The following GALNT13 variants were observed in gnomAD, a reference collection of about 807,000 sequenced individuals.
The protein encoded by GALNT13 is polypeptide N-acetylgalactosaminyltransferase 13, also known as UDP-GalNAc:polypeptide N-acetylgalactosaminyltransferase 13.
Under a neutral mutation model 64.2 loss-of-function variants are expected in GALNT13, and 28 were observed. The observed-to-expected ratio is 0.44, with a 90% CI of 0.32 to 0.60. GALNT13 has a LOEUF of 0.60. GALNT13 is among the 20% of genes least tolerant of loss of function. The pLI, the probability that GALNT13 is intolerant of heterozygous loss-of-function variation, is 0.05. For synonymous variants in GALNT13, 214 were observed against 224.6 expected (o/e 0.95, Z 0.42); for missense variants, 577 against 669.8 (o/e 0.86, Z 1.53).
chr2:153,094,442 T>A, the GALNT13 span, among the ~76,000 whole-genome samples: 1 of 152,148 alleles, frequency 6.6e-6, no homozygotes. Flanking sequence ...GAATCAATAT[T>A]GTGAAAATGG....
chr2:154,245,516 C>A (rs1689732501), intron 6 of GALNT13, among the ~76,000 whole-genome samples: 4 of 152,236 alleles, frequency 2.6e-5, no homozygotes, highest in African/African-American at 9.6e-5. Context: ...CTCTACTAAT[C>A]ATGCTGTGGG....
the GALNT13 span, among the ~76,000 whole-genome samples, chr2:153,842,107 A>C: frequency 6.6e-6 from 1 of 152,108 alleles, no homozygotes; most frequent in Admixed American, 6.6e-5. Context: ...GCTATTGAAA[A>C]AAAGTATAAA....
At chr2:154,300,434 A>G (rs910112582) in intron 8 of GALNT13, among the ~76,000 whole-genome samples, 3 of 152,164 alleles carry the variant, frequency 2.0e-5, no homozygotes, top group African/African-American at 7.2e-5. Context: ...TTTCTTTCAA[A>G]AAAAGTAACT....
chr2:153,670,629 C>A, the GALNT13 span, among the ~76,000 whole-genome samples: 1 of 152,236 alleles, frequency 6.6e-6, no homozygotes, highest in Middle Eastern at 3.4e-3. Flanking sequence ...TTCTAAAAAC[C>A]AGAATGCCTC....
chr2:153,453,491 T>G, the GALNT13 span, among the ~76,000 whole-genome samples: 25 of 152,252 alleles, frequency 1.6e-4, no homozygotes, highest in African/African-American at 5.8e-4. Context: ...AGAAGACATA[T>G]GAGCAGCCAA....
At chr2:154,111,729 T>G (rs774350196) in intron 3 of GALNT13, among the ~76,000 whole-genome samples, 3 of 152,164 alleles carry the variant, frequency 2.0e-5, no homozygotes, top group Non-Finnish European at 2.9e-5. Context: ...GCACCATATA[T>G]TGGACGCTGA....
chr2:153,697,013 ACTC>A, the GALNT13 span, among the ~76,000 whole-genome samples: 10 of 152,190 alleles, frequency 6.6e-5, no homozygotes, highest in Non-Finnish European at 1.0e-4. Context: ...GGTTGTGTGA[ACTC>A]CTGAAAATCT....
At chr2:153,734,670 A>C in the GALNT13 span, among the ~76,000 whole-genome samples, 12 of 152,162 alleles carry the variant, frequency 7.9e-5, no homozygotes, top group Non-Finnish European at 1.8e-4. Context: ...TCCTTTTAGG[A>C]GAAGCAATGT....
chr2:153,216,822 T>G, the GALNT13 span, among the ~76,000 whole-genome samples: 2 of 151,956 alleles, frequency 1.3e-5, no homozygotes, highest in African/African-American at 2.4e-5. Context: ...ATTTATCAAT[T>G]TTTTTCTTTT....
chr2:153,694,840 T>C, the GALNT13 span, among the ~76,000 whole-genome samples: 6 of 152,316 alleles, frequency 3.9e-5, no homozygotes, highest in South Asian at 1.2e-3. Context: ...AATAAAGTTT[T>C]AAAATGTATG....
chr2:153,103,662 A>C, the GALNT13 span, among the ~76,000 whole-genome samples: 3 of 152,200 alleles, frequency 2.0e-5, no homozygotes, highest in African/African-American at 7.2e-5. Context: ...TCTTTTTAGC[A>C]CTTTTCAGTA....
chr2:153,146,388 G>A, the GALNT13 span, among the ~76,000 whole-genome samples: 3 of 151,772 alleles, frequency 2.0e-5, no homozygotes, highest in Admixed American at 6.6e-5. Flanking sequence ...CCAGCCCAAT[G>A]AGCCAGATTT....
chr2:154,127,725 T>A (rs2105536572), intron 3 of GALNT13, among the ~76,000 whole-genome samples: 1 of 149,562 alleles, frequency 6.7e-6, no homozygotes, highest in South Asian at 2.1e-4. Flanking sequence ...TGTGTGTGGA[T>A]ATGGATATAT....
the GALNT13 span, among the ~76,000 whole-genome samples, chr2:153,259,241 T>C: frequency 6.6e-6 from 1 of 152,162 alleles, no homozygotes; most frequent in East Asian, 1.9e-4. Context: ...AAGTATAGCT[T>C]CTCTGGCTCT....
At chr2:153,469,310 A>G in the GALNT13 span, among the ~76,000 whole-genome samples, 1 of 152,198 alleles carries the variant, frequency 6.6e-6, no homozygotes, top group Admixed American at 6.5e-5. Context: ...GATGAGCTGC[A>G]TGAGAAACAA....
At chr2:153,736,110 A>T in the GALNT13 span, among the ~76,000 whole-genome samples, 1 of 152,170 alleles carries the variant, frequency 6.6e-6, no homozygotes, top group Non-Finnish European at 1.5e-5. Flanking sequence ...AATGATGATG[A>T]TTCTTCATTT....
At chr2:153,322,136 T>G in the GALNT13 span, among the ~76,000 whole-genome samples, 9 of 152,046 alleles carry the variant, frequency 5.9e-5, no homozygotes, top group Admixed American at 3.9e-4. Context: ...GTACTGGGCA[T>G]AGTATCTAAT....
chr2:153,375,883 G>A, the GALNT13 span, among the ~76,000 whole-genome samples: 9 of 152,154 alleles, frequency 5.9e-5, no homozygotes, highest in Non-Finnish European at 2.9e-5. Context: ...TACAAGAAGC[G>A]TGGTGCCAGT....
chr2:154,224,900 A>G (rs927707068), intron 4 of GALNT13, among the ~76,000 whole-genome samples: 16 of 152,142 alleles, frequency 1.1e-4, no homozygotes, highest in African/African-American at 3.9e-4. Context: ...CATTTTATGT[A>G]GCAAAGCAAT....
Sources: allele counts gnomAD v4.1 joint callset (sites outside exome capture counted in the v4.1 genomes callset), GRCh38; gene constraint gnomAD v4.1.1; transcripts MANE v1.5; gene names NCBI Gene and HGNC (gene_info 2026-07-23, HGNC 2026-07-21).